Variants in CADM2 observed in about 807,000 individuals in gnomAD.
CADM2 encodes immunoglobulin superfamily member 4D.
Under a neutral mutation model 49.8 loss-of-function variants are expected in CADM2, and 12 were observed. The observed-to-expected ratio is 0.24, with a 90% CI of 0.15 to 0.39. CADM2 has a LOEUF of 0.39. Ranked by LOEUF, CADM2 falls within the 10% of genes least tolerant of loss-of-function variation. The pLI is 1.00. For synonymous variants in CADM2, 214 were observed against 175.4 expected (o/e 1.22, Z -1.74); for missense variants, 378 against 492.3 (o/e 0.77, Z 2.20).
intron 3 of CADM2, among the ~76,000 whole-genome samples, chr3:85,858,680 T>C (rs1277523088): frequency 6.6e-6 from 1 of 152,230 alleles, no homozygotes; most frequent in Non-Finnish European, 1.5e-5. Flanking sequence ...ACAATTACAC[T>C]TTACTCACTG....
chr3:84,996,114 A>G (rs1196119575), intron 1 of CADM2, among the ~76,000 whole-genome samples: 3 of 152,142 alleles, frequency 2.0e-5, no homozygotes, highest in African/African-American at 7.2e-5. Context: ...TGTTTAGTTC[A>G]TGAGTCCAGG....
At chr3:85,715,829 A>G (rs2067270951) in intron 1 of CADM2, among the ~76,000 whole-genome samples, 1 of 152,210 alleles carries the variant, frequency 6.6e-6, no homozygotes, top group African/African-American at 2.4e-5. Flanking sequence ...TGCAAAGGAC[A>G]TGAAAGAATT....
Position 85,144,077 on chromosome 3 carries a change from C to T in CADM2, c.61+184409C>T, listed in dbSNP as rs539953664. Reference sequence around the variant, plus strand: ...TTTGTTCCTTAGATATTCTCTTTCCCATTTGGATTTCTACTGCACCAAAAA... The same window carrying T: ...TTTGTTCCTTAGATATTCTCTTTCCTATTTGGATTTCTACTGCACCAAAAA... On this transcript the variant is annotated intron_variant, in intron 1 of 9. Transcript: ENST00000383699. Among the ~76,000 whole-genome samples the T allele has an allele frequency of 5.8e-4, 88 of 152,218 alleles. 3 individuals carry two copies. The South Asian group carries it at 0.017, about 29-fold the overall frequency.
In CADM2 at chr3:85,162,512, C is replaced by T. The variant is rs2040357651; in HGVS notation, c.61+202844C>T. Among the ~76,000 whole-genome samples the T allele has an allele frequency of 2.0e-5, 3 of 151,794 alleles. No homozygotes were observed. In the South Asian group the frequency reaches 6.2e-4, roughly 31 times the overall value. Reference sequence around the variant, plus strand: ...AAGCAATGGACACAAACCAAAAATACCATTTTTCAAGTTTCAAAAGTTTAA... The same window carrying T: ...AAGCAATGGACACAAACCAAAAATATCATTTTTCAAGTTTCAAAAGTTTAA... On this transcript the variant is annotated intron_variant, in intron 1 of 9. Transcript: ENST00000383699.
At chr3:85,289,638 C>A (rs2043726184) in intron 1 of CADM2, among the ~76,000 whole-genome samples, 2 of 152,120 alleles carry the variant, frequency 1.3e-5, no homozygotes, top group South Asian at 4.1e-4. Flanking sequence ...AGGTGAAAAA[C>A]CGCAATAATT....
intron 1 of CADM2, among the ~76,000 whole-genome samples, chr3:85,504,335 CAT>C (rs2040232450): frequency 6.6e-6 from 1 of 152,104 alleles, no homozygotes; most frequent in African/African-American, 2.4e-5. Flanking sequence ...TGTTACAGCT[CAT>C]AAAGGCAGTG....
chr3:85,377,987 T>C (rs1038917559), intron 1 of CADM2, among the ~76,000 whole-genome samples: 1 of 152,070 alleles, frequency 6.6e-6, no homozygotes, highest in Non-Finnish European at 1.5e-5. Flanking sequence ...TGTGACTGTC[T>C]AAATGAATAG....
At chr3:85,123,836 T>C (rs998251493) in intron 1 of CADM2, among the ~76,000 whole-genome samples, 1 of 152,190 alleles carries the variant, frequency 6.6e-6, no homozygotes, top group African/African-American at 2.4e-5. Context: ...ATATTAAATA[T>C]AGTTGGTTTC....
At chr3:85,147,330 A>G (rs951234507) in intron 1 of CADM2, among the ~76,000 whole-genome samples, 1 of 149,328 alleles carries the variant, frequency 6.7e-6, no homozygotes, top group African/African-American at 2.4e-5. Context: ...GAAGTAGGAA[A>G]TTTCCTTAGG....
At chr3:85,306,144 C>T (rs2107018452) in intron 1 of CADM2, among the ~76,000 whole-genome samples, 1 of 151,722 alleles carries the variant, frequency 6.6e-6, no homozygotes, top group Admixed American at 6.6e-5. Context: ...TCTAAGGATG[C>T]ATCTAAGGCG....
At chr3:86,018,731 T>G (rs1732683430) in intron 8 of CADM2, among the ~76,000 whole-genome samples, 1 of 152,308 alleles carries the variant, frequency 6.6e-6, no homozygotes, top group African/African-American at 2.4e-5. Flanking sequence ...GTTGTTTGGT[T>G]TATTCTTGTA....
At chr3:85,578,640 A>G (rs1268580011) in intron 1 of CADM2, among the ~76,000 whole-genome samples, 1 of 152,218 alleles carries the variant, frequency 6.6e-6, no homozygotes. Context: ...TTGCAAAGGA[A>G]TGTGATTATA....
intron 9 of CADM2, among the ~76,000 whole-genome samples, chr3:86,066,332 CAAAAAAAAAAA>C (rs10663610): frequency 1.3e-4 from 4 of 30,362 alleles, no homozygotes; most frequent in East Asian, 1.9e-3. Flanking sequence ...GACTCCGTCT[CAAAAAAAAAAA>C]AAAAAAAAAA....
chr3:86,020,802 A>G (rs552196654), intron 8 of CADM2, among the ~76,000 whole-genome samples: 3 of 152,292 alleles, frequency 2.0e-5, no homozygotes, highest in Non-Finnish European at 4.4e-5. Context: ...TCATGCTAAA[A>G]TCTCTCAATA....
chr3:85,964,531 A>G (rs1725237503), intron 8 of CADM2, among the ~76,000 whole-genome samples: 1 of 151,876 alleles, frequency 6.6e-6, no homozygotes, highest in African/African-American at 2.4e-5. Context: ...AATTGTTAAA[A>G]CCACTGACAT....
rs553030788 is a variant in CADM2, at chr3:85,232,315, C to T, written c.61+272647C>T. Reference sequence around the variant, plus strand: ...GATCTTGAGCATTTCAGAGTTATTTCTAGAAAATTCTGAAGTAGGACTTTA... The same window carrying T: ...GATCTTGAGCATTTCAGAGTTATTTTTAGAAAATTCTGAAGTAGGACTTTA... On this transcript the variant is annotated intron_variant, in intron 1 of 9. Coordinates refer to ENST00000383699, the MANE Select transcript of CADM2 (RefSeq NM_001167675.2). 3.3e-5 allele frequency among the ~76,000 whole-genome samples: 5 copies of T among 152,086 alleles called. No homozygotes were observed. In the East Asian group the frequency reaches 9.7e-4, roughly 29 times the overall value.
At chr3:85,501,207 G>T (rs897566904) in intron 1 of CADM2, among the ~76,000 whole-genome samples, 1 of 152,072 alleles carries the variant, frequency 6.6e-6, no homozygotes, top group Non-Finnish European at 1.5e-5. Flanking sequence ...TTAAAATGTG[G>T]TGATTAGGAT....
chr3:85,142,518 A>T (rs2039608162), intron 1 of CADM2, among the ~76,000 whole-genome samples: 2 of 152,126 alleles, frequency 1.3e-5, no homozygotes, highest in Non-Finnish European at 2.9e-5. Flanking sequence ...CTCCATCCTC[A>T]TTGCTTACAA....
At chr3:85,703,204 C>T (rs1368183820) in intron 1 of CADM2, among the ~76,000 whole-genome samples, 1 of 152,002 alleles carries the variant, frequency 6.6e-6, no homozygotes, top group Non-Finnish European at 1.5e-5. Context: ...TCACAAGAAA[C>T]TTTTGTTATA....
Sources: gnomAD v4.1 joint callset for allele counts (sites outside exome capture counted in the v4.1 genomes callset) on GRCh38, gnomAD v4.1.1 for gene constraint, MANE v1.5 for transcripts, NCBI Gene and HGNC (gene_info 2026-07-23, HGNC 2026-07-21) for gene names.